The following PITPNC1 variants were observed in gnomAD, a reference collection of about 807,000 sequenced individuals.
The protein encoded by PITPNC1 is cytoplasmic phosphatidylinositol transfer protein 1.
Under a neutral mutation model 44.7 loss-of-function variants are expected in PITPNC1, and 18 were observed. That is an observed-to-expected ratio of 0.40 (90% CI 0.28 to 0.60). PITPNC1 has a LOEUF of 0.60. PITPNC1 is among the 20% of genes least tolerant of loss of function. The pLI is 0.39. For synonymous variants in PITPNC1, 141 were observed against 149.6 expected, an observed-to-expected ratio of 0.94 and a Z score of 0.42; for missense variants, 290 against 418.4, an observed-to-expected ratio of 0.69 and a Z score of 2.68.
chr17:67,657,499 G>C (rs2042285344), intron 6 of PITPNC1, among the ~76,000 whole-genome samples: 1 of 150,666 alleles, frequency 6.6e-6, no homozygotes, highest in African/African-American at 2.5e-5. Context: ...CATCGAGCTA[G>C]AAGTAGGGTA....
intron 1 of PITPNC1, among the ~76,000 whole-genome samples, chr17:67,468,969 T>A (rs906098226): frequency 2.6e-5 from 4 of 152,298 alleles, no homozygotes; most frequent in African/African-American, 7.2e-5. Flanking sequence ...CCTCAGGTGA[T>A]TCGCCTGCCT....
At chr17:67,607,204 C>T (rs1470016532) in intron 5 of PITPNC1, among the ~76,000 whole-genome samples, 1 of 152,032 alleles carries the variant, frequency 6.6e-6, no homozygotes, top group Admixed American at 6.6e-5. Flanking sequence ...GTTCCAGCAC[C>T]CAGTTTGACT....
chr17:67,488,788 C>CT (rs1193894927), intron 1 of PITPNC1, among the ~76,000 whole-genome samples: 1 of 152,234 alleles, frequency 6.6e-6, no homozygotes, highest in African/African-American at 2.4e-5. Context: ...GAGCCACTTT[C>CT]TGTCCCTGAG....
intron 5 of PITPNC1, among the ~76,000 whole-genome samples, chr17:67,584,541 T>A (rs1245184753): frequency 4.0e-5 from 6 of 149,432 alleles, no homozygotes; most frequent in Admixed American, 2.0e-4. Flanking sequence ...TTTCTTTATT[T>A]AAAAAAAAAA....
Position 67,377,831 on chromosome 17 carries a change from C to T in PITPNC1, c.-324C>T, listed in dbSNP as rs1279384470. The T allele has an allele frequency of 5.7e-5, 18 of 316,824 alleles. No homozygotes were observed. Among genetic ancestry groups the T allele is most frequent in the Middle Eastern group, 8.8e-4 (1 of 1,136 alleles). 19.6% of individuals were successfully genotyped at this position (316,824 alleles called of 1,614,324 possible). The stretch of plus-strand genomic sequence containing the variant: ...GCCGGGCATGTCCTGATCTGGCGGC[C>T]GCTCCTACCACCCTGGGCAGCCGAG... On this transcript the variant is annotated 5_prime_UTR_variant, in exon 1 of 9. Transcript: ENST00000581322.
intron 5 of PITPNC1, among the ~76,000 whole-genome samples, chr17:67,620,959 T>C (rs2041821487): frequency 6.6e-6 from 1 of 152,140 alleles, no homozygotes; most frequent in African/African-American, 2.4e-5. Context: ...GGCCCCCACA[T>C]GGAAACCTCA....
At chr17:67,425,221 A>G (rs868563174) in intron 1 of PITPNC1, among the ~76,000 whole-genome samples, 4,182 of 77,366 alleles carry the variant, frequency 0.054, 300 homozygotes, top group African/African-American at 0.07. Flanking sequence ...ACACACACAC[A>G]CACACACACA....
chr17:67,379,444 A>G, intron 1 of PITPNC1: 1 of 868,838 alleles, frequency 1.2e-6, no homozygotes, highest in Non-Finnish European at 1.4e-6. Context: ...CAAGTTTACA[A>G]AACGCATCAC....
intron 8 of PITPNC1, among the ~76,000 whole-genome samples, chr17:67,677,866 G>A (rs982180897): frequency 3.3e-5 from 5 of 151,492 alleles, no homozygotes; most frequent in African/African-American, 4.9e-5. Context: ...CACTGCGCCC[G>A]GCCTTAGGGA....
At chr17:67,546,843 A>G (rs771394092) in intron 2 of PITPNC1, among the ~76,000 whole-genome samples, 2 of 152,118 alleles carry the variant, frequency 1.3e-5, no homozygotes, top group Non-Finnish European at 1.5e-5. Context: ...TCACTTCCCT[A>G]CTGCCATATA....
intron 1 of PITPNC1, among the ~76,000 whole-genome samples, chr17:67,426,795 A>G (rs2038773401): frequency 1.3e-5 from 2 of 151,952 alleles, no homozygotes; most frequent in Non-Finnish European, 2.9e-5. Flanking sequence ...TATCATCATG[A>G]TTTTTTTAAA....
At chr17:67,489,457 C>T (rs1363440083) in intron 1 of PITPNC1, among the ~76,000 whole-genome samples, 2 of 152,210 alleles carry the variant, frequency 1.3e-5, no homozygotes, top group Non-Finnish European at 2.9e-5. Context: ...ATTGTGGTCA[C>T]TATACAGTTA....
chr17:67,518,912 A>G (rs1285956540), intron 1 of PITPNC1, among the ~76,000 whole-genome samples: 1 of 152,198 alleles, frequency 6.6e-6, no homozygotes, highest in African/African-American at 2.4e-5. Flanking sequence ...ACTGCACTGT[A>G]GCCTGGGTGA....
At chr17:67,618,302 T>A (rs2041785799) in intron 5 of PITPNC1, among the ~76,000 whole-genome samples, 2 of 137,152 alleles carry the variant, frequency 1.5e-5, no homozygotes, top group African/African-American at 5.5e-5. Flanking sequence ...GAGGCAGAGG[T>A]TGCAGTGAGC....
intron 1 of PITPNC1, among the ~76,000 whole-genome samples, chr17:67,488,831 T>C (rs187838924): frequency 6.6e-6 from 1 of 152,348 alleles, no homozygotes; most frequent in East Asian, 1.9e-4. Context: ...ATAAGTAGAA[T>C]CACACTGTAT....
intron 6 of PITPNC1, among the ~76,000 whole-genome samples, chr17:67,633,951 T>A (rs1434393492): frequency 1.3e-5 from 2 of 152,236 alleles, no homozygotes; most frequent in African/African-American, 2.4e-5. Context: ...GGGAGTTCCC[T>A]CCTGATTCAG....
chr17:67,464,900 T>C (rs28385532), intron 1 of PITPNC1, among the ~76,000 whole-genome samples: 56,930 of 151,946 alleles, frequency 0.37, 11,025 homozygotes, highest in African/African-American at 0.46. Flanking sequence ...CCACCAGGCC[T>C]GATTGATTTT....
chr17:67,571,064 C>T (rs1472183117), intron 4 of PITPNC1, among the ~76,000 whole-genome samples: 1 of 152,228 alleles, frequency 6.6e-6, no homozygotes, highest in Non-Finnish European at 1.5e-5. Context: ...TGGAAGAAGG[C>T]AGCCAGCAGG....
chr17:67,449,670 A>G (rs1295670402), intron 1 of PITPNC1, among the ~76,000 whole-genome samples: 1 of 152,232 alleles, frequency 6.6e-6, no homozygotes, highest in African/African-American at 2.4e-5. Context: ...TTGAAACTCA[A>G]CAAGTTTCTC....
Sources: allele counts gnomAD v4.1 joint callset (sites outside exome capture counted in the v4.1 genomes callset), GRCh38; gene constraint gnomAD v4.1.1; transcripts MANE v1.5; gene names NCBI Gene and HGNC (gene_info 2026-07-23, HGNC 2026-07-21).